The following CSMD1 variants were observed in gnomAD, a reference collection of about 807,000 sequenced individuals.
CSMD1 encodes the protein CUB and Sushi multiple domains 1, also known as CUB and sushi domain-containing protein 1.
CSMD1 carries 213 observed loss-of-function variants against 417.5 expected under a neutral mutation model. The ratio of observed to expected loss-of-function variants is 0.51; its 90% confidence interval spans 0.46 to 0.57. The LOEUF is 0.57. CSMD1 is among the 20% of genes least tolerant of loss of function. The pLI is 0.00. For synonymous variants in CSMD1, 2,862 were observed against 1,736.8 expected (o/e 1.65, Z -16.11); for missense variants, 6,923 against 4,529.7 (o/e 1.53, Z -15.17).
At chr8:3,568,481 C>A (rs1289490890) in intron 10 of CSMD1, among the ~76,000 whole-genome samples, 1 of 152,056 alleles carries the variant, frequency 6.6e-6, no homozygotes, top group Admixed American at 6.5e-5. Flanking sequence ...TTTTTTAAAT[C>A]CTCAGAGTTT....
At chr8:4,532,145 C>T (rs1422453939) in intron 2 of CSMD1, among the ~76,000 whole-genome samples, 8 of 12,618 alleles carry the variant, frequency 6.3e-4, no homozygotes, top group African/African-American at 1.2e-3. Flanking sequence ...TCCTGCAAGC[C>T]CATTCACAGT....
chr8:4,757,661 G>A (rs1324633362), intron 1 of CSMD1, among the ~76,000 whole-genome samples: 1 of 152,040 alleles, frequency 6.6e-6, no homozygotes, highest in Non-Finnish European at 1.5e-5. Context: ...ATAATTTTGT[G>A]TAAAAAGCGA....
At chr8:3,151,339 T>C (rs1456692248) in intron 40 of CSMD1, 58 bp downstream of exon 40, 11 of 1,110,576 alleles carry the variant, frequency 9.9e-6, no homozygotes, top group East Asian at 7.5e-5. Flanking sequence ...TGCTTAATTC[T>C]TTCCAAGATG....
At chr8:4,038,124 T>C (rs1189300815) in intron 3 of CSMD1, among the ~76,000 whole-genome samples, 1 of 152,120 alleles carries the variant, frequency 6.6e-6, no homozygotes, top group Non-Finnish European at 1.5e-5. Context: ...CCATTTAAGG[T>C]TTAAAGTCAC....
At chr8:3,395,661 A>G (rs1323999583) in intron 17 of CSMD1, among the ~76,000 whole-genome samples, 1 of 152,190 alleles carries the variant, frequency 6.6e-6, no homozygotes, top group Non-Finnish European at 1.5e-5. Context: ...ATGCTTGTTG[A>G]AAGACTGTTA....
intron 15 of CSMD1, among the ~76,000 whole-genome samples, chr8:3,401,703 A>T (rs1320152861): frequency 6.6e-6 from 1 of 152,008 alleles, no homozygotes; most frequent in South Asian, 2.1e-4. Flanking sequence ...TGGCAGGTGG[A>T]AAAAGGTCTT....
intron 25 of CSMD1, among the ~76,000 whole-genome samples, chr8:3,306,988 T>C (rs1804910378): frequency 6.6e-6 from 1 of 151,856 alleles, no homozygotes; most frequent in Non-Finnish European, 1.5e-5. Context: ...TTATATGTGT[T>C]ACTTTAGAGT....
chr8:4,973,063 A>C (rs1461524684), intron 1 of CSMD1, among the ~76,000 whole-genome samples: 1 of 152,180 alleles, frequency 6.6e-6, no homozygotes, highest in African/African-American at 2.4e-5. Flanking sequence ...AATGCATAGA[A>C]CCTCAATTAT....
chr8:3,343,872 C>A (rs77775923), intron 22 of CSMD1, among the ~76,000 whole-genome samples: 3,646 of 151,998 alleles, frequency 0.024, 76 homozygotes, highest in East Asian at 0.082. Context: ...AAGAACATAC[C>A]CTTCCTTTCT....
chr8:4,594,493 C>T lies in CSMD1; in HGVS notation c.302+42849G>A, dbSNP rs529045356. On this transcript the variant is annotated intron_variant, in intron 2 of 69. Coordinates refer to ENST00000635120, the MANE Select transcript of CSMD1 (RefSeq NM_033225.6). ...GGGCTTAAAAGTGTGAGCCACCACA[C>T]CCACCCTGAAATGATCTGTTTCTAA... Among the ~76,000 whole-genome samples the T allele has an allele frequency of 1.7e-4, 26 of 152,198 alleles. No individual in the cohort carries two copies. The South Asian group carries it at 5.4e-3, about 32-fold the overall frequency.
At chr8:4,440,618 C>A (rs1390634911) in intron 2 of CSMD1, among the ~76,000 whole-genome samples, 2 of 152,124 alleles carry the variant, frequency 1.3e-5, no homozygotes, top group Non-Finnish European at 2.9e-5. Flanking sequence ...ATAGGTAGTA[C>A]CATGCAATGA....
At chr8:3,926,100 CA>C (rs1474086835) in intron 5 of CSMD1, among the ~76,000 whole-genome samples, 2 of 75,288 alleles carry the variant, frequency 2.7e-5, no homozygotes, top group Non-Finnish European at 5.2e-5. Flanking sequence ...CACACACACA[CA>C]CACACACACA....
chr8:4,213,444 A>C (rs1056488483), intron 3 of CSMD1, among the ~76,000 whole-genome samples: 2 of 152,208 alleles, frequency 1.3e-5, no homozygotes, highest in African/African-American at 4.8e-5. Flanking sequence ...AATATGTGAG[A>C]ACAGGAACAG....
intron 12 of CSMD1, among the ~76,000 whole-genome samples, chr8:3,455,194 A>T (rs561619428): frequency 6.6e-6 from 1 of 152,066 alleles, no homozygotes; most frequent in Non-Finnish European, 1.5e-5. Context: ...TGCATTGGTT[A>T]TTCTAGTTAG....
chr8:3,665,081 T>A (rs979513659), intron 7 of CSMD1, among the ~76,000 whole-genome samples: 1 of 152,202 alleles, frequency 6.6e-6, no homozygotes, highest in African/African-American at 2.4e-5. Context: ...GAAACATCCA[T>A]AACCTAAGAG....
At position 3,067,463 on chromosome 8, in the gene CSMD1, G is replaced by A. The variant is rs1813011129; in HGVS notation, c.7475-14816C>T. ...TGAAGCAAGTCCCATTTCAGAAGCAGAAACATTGAATGATTTTCTCCAGGT... is the reference window on the plus strand; with the variant it reads ...TGAAGCAAGTCCCATTTCAGAAGCAAAAACATTGAATGATTTTCTCCAGGT... On this transcript the variant is annotated intron_variant, in intron 49 of 69. Transcript: ENST00000635120. Among the ~76,000 whole-genome samples, 2 of 151,976 alleles carry A rather than the reference G, an allele frequency of 1.3e-5. 1 individual carries two copies. The highest frequency in any genetic ancestry group is 4.1e-4 in the South Asian group (2 of 4,824).
At chr8:3,894,457 G>C (rs979254083) in intron 5 of CSMD1, among the ~76,000 whole-genome samples, 12 of 152,120 alleles carry the variant, frequency 7.9e-5, no homozygotes, top group Admixed American at 2.0e-4. Flanking sequence ...AAATAATCTT[G>C]AATTATCTTG....
intron 1 of CSMD1, among the ~76,000 whole-genome samples, chr8:4,695,090 C>T (rs77753282): frequency 6.2e-4 from 94 of 152,254 alleles, no homozygotes; most frequent in African/African-American, 2.2e-3. Flanking sequence ...CTGGCCAACT[C>T]ATCATCACTT....
chr8:4,287,620 C>T (rs1157137246), intron 3 of CSMD1, among the ~76,000 whole-genome samples: 1 of 151,366 alleles, frequency 6.6e-6, no homozygotes, highest in Non-Finnish European at 1.5e-5. Context: ...TTTACATAAC[C>T]TTAATTAAAT....
Sources: allele counts gnomAD v4.1 joint callset (sites outside exome capture counted in the v4.1 genomes callset), GRCh38; gene constraint gnomAD v4.1.1; transcripts MANE v1.5; gene names NCBI Gene and HGNC (gene_info 2026-07-23, HGNC 2026-07-21).